The following LRFN5 variants were observed in gnomAD, a reference collection of about 807,000 sequenced individuals.
LRFN5 encodes the protein leucine rich repeat and fibronectin type III domain containing 5, also known as leucine-rich repeat and fibronectin type-III domain-containing protein 5.
In LRFN5, 24 loss-of-function variants were observed where a neutral mutation model predicts 45.6. The ratio of observed to expected loss-of-function variants is 0.53; its 90% CI spans 0.38 to 0.74. The LOEUF is 0.74. LRFN5 is among the 30% of genes least tolerant of loss of function. The pLI, the probability that LRFN5 is intolerant of heterozygous loss-of-function variation, is 0.00. For synonymous variants in LRFN5, 340 were observed against 313.8 expected (o/e 1.08, Z -0.88); for missense variants, 776 against 861.5 (o/e 0.90, Z 1.24).
chr14:41,850,721 T>A (rs1412964811), intron 2 of LRFN5, among the ~76,000 whole-genome samples: 1 of 151,888 alleles, frequency 6.6e-6, no homozygotes, highest in Non-Finnish European at 1.5e-5. Flanking sequence ...GATCTCAGTC[T>A]GTTATAGGAT....
chr14:41,728,967 A>C (rs949122024), intron 1 of LRFN5, among the ~76,000 whole-genome samples: 1 of 144,542 alleles, frequency 6.9e-6, no homozygotes, highest in Non-Finnish European at 1.6e-5. Flanking sequence ...AGCTCACTAC[A>C]TGAACTATTT....
intron 1 of LRFN5, among the ~76,000 whole-genome samples, chr14:41,613,834 C>G (rs1887842772): frequency 6.6e-6 from 1 of 152,030 alleles, no homozygotes; most frequent in Non-Finnish European, 1.5e-5. Flanking sequence ...TCTATTTTCA[C>G]TCCACCATGT....
At chr14:41,638,152 C>T (rs1364868103) in intron 1 of LRFN5, among the ~76,000 whole-genome samples, 1 of 152,052 alleles carries the variant, frequency 6.6e-6, no homozygotes, top group Non-Finnish European at 1.5e-5. Flanking sequence ...CTCTACTCAG[C>T]TCATAGAAAT....
chr14:41,802,203 T>A (rs1887358424), intron 2 of LRFN5, among the ~76,000 whole-genome samples: 1 of 152,094 alleles, frequency 6.6e-6, no homozygotes, highest in Non-Finnish European at 1.5e-5. Context: ...ATTGCAATAG[T>A]GGAAAAGAAA....
At chr14:41,634,875 A>G (rs1354572969) in intron 1 of LRFN5, among the ~76,000 whole-genome samples, 2 of 152,172 alleles carry the variant, frequency 1.3e-5, no homozygotes, top group Admixed American at 1.3e-4. Context: ...AATATGGTAT[A>G]TAATATGAAA....
intron 1 of LRFN5, among the ~76,000 whole-genome samples, chr14:41,637,922 G>A (rs959881631): frequency 2.6e-5 from 4 of 151,982 alleles, no homozygotes; most frequent in African/African-American, 9.7e-5. Flanking sequence ...ATAGCTTTCT[G>A]GGTTTTGCTT....
chr14:41,740,606 G>T (rs1884649853), intron 1 of LRFN5, among the ~76,000 whole-genome samples: 1 of 151,814 alleles, frequency 6.6e-6, no homozygotes, highest in African/African-American at 2.4e-5. Context: ...ATATTAAACA[G>T]TGAAAAGTTG....
intron 2 of LRFN5, among the ~76,000 whole-genome samples, chr14:41,859,797 A>AT (rs1889598725): frequency 6.6e-6 from 1 of 152,188 alleles, no homozygotes; most frequent in Non-Finnish European, 1.5e-5. Context: ...ACCTTTTTAA[A>AT]AATTAATGTT....
chr14:41,638,858 C>A (rs1459574359), intron 1 of LRFN5, among the ~76,000 whole-genome samples: 1 of 151,780 alleles, frequency 6.6e-6, no homozygotes, highest in Non-Finnish European at 1.5e-5. Context: ...TAAAAATATT[C>A]TTCTAGAAAT....
chr14:41,744,171 T>C (rs1025731083), intron 1 of LRFN5, among the ~76,000 whole-genome samples: 4 of 152,012 alleles, frequency 2.6e-5, no homozygotes, highest in Admixed American at 2.0e-4. Flanking sequence ...CAAGGCAACA[T>C]GGCAAAAATC....
intron 2 of LRFN5, among the ~76,000 whole-genome samples, chr14:41,773,377 T>C (rs1163383028): frequency 6.6e-6 from 1 of 152,236 alleles, no homozygotes; most frequent in East Asian, 1.9e-4. Flanking sequence ...TAGCATCATA[T>C]ACCTGTATTT....
chr14:41,871,572 A>G (rs1890020524), intron 2 of LRFN5, among the ~76,000 whole-genome samples: 1 of 139,056 alleles, frequency 7.2e-6, no homozygotes, highest in African/African-American at 2.6e-5. Flanking sequence ...CTAGGCAACA[A>G]GAGCAAAAAT....
At chr14:41,777,238 GT>G (rs140601058) in intron 2 of LRFN5, among the ~76,000 whole-genome samples, 1,840 of 151,700 alleles carry the variant, frequency 0.012, 9 homozygotes, top group Middle Eastern at 0.026. Flanking sequence ...GAAAAATTAT[GT>G]TGTAAATTTT....
intron 1 of LRFN5, among the ~76,000 whole-genome samples, chr14:41,732,079 A>G (rs1347131946): frequency 1.3e-5 from 2 of 152,188 alleles, no homozygotes; most frequent in Non-Finnish European, 2.9e-5. Context: ...AACTTCTGAA[A>G]GAAGGATTGG....
intron 1 of LRFN5, among the ~76,000 whole-genome samples, chr14:41,715,028 G>A (rs1022234437): frequency 2.0e-5 from 3 of 152,094 alleles, no homozygotes; most frequent in Non-Finnish European, 4.4e-5. Context: ...ATAAAATGGT[G>A]GTGGTGGAAG....
At chr14:41,671,464 T>G (rs2138659777) in intron 1 of LRFN5, among the ~76,000 whole-genome samples, 1 of 152,268 alleles carries the variant, frequency 6.6e-6, no homozygotes, top group East Asian at 1.9e-4. Flanking sequence ...GCAATTAATC[T>G]TTATTTTCTT....
intron 1 of LRFN5, among the ~76,000 whole-genome samples, chr14:41,763,256 A>G (rs1189161001): frequency 6.6e-6 from 1 of 152,164 alleles, no homozygotes; most frequent in African/African-American, 2.4e-5. Context: ...CACAGTTGTG[A>G]TTTCAGCCTT....
chr14:41,703,021 C>T (rs181960622), intron 1 of LRFN5, among the ~76,000 whole-genome samples: 64 of 152,042 alleles, frequency 4.2e-4, no homozygotes, highest in African/African-American at 1.3e-3. Flanking sequence ...ATCCTTTTAG[C>T]TCTCCTGGTA....
chr14:41,678,990 TTCTCCG>T (rs1170035519), intron 1 of LRFN5, among the ~76,000 whole-genome samples: 2 of 152,134 alleles, frequency 1.3e-5, no homozygotes, highest in African/African-American at 4.8e-5. Flanking sequence ...AACTCAGTGC[TTCTCCG>T]TCACAGCAGG....
Sources: allele counts gnomAD v4.1 joint callset (sites outside exome capture counted in the v4.1 genomes callset), GRCh38; gene constraint gnomAD v4.1.1; transcripts MANE v1.5; gene names NCBI Gene and HGNC (gene_info 2026-07-23, HGNC 2026-07-21).